The following SHROOM3 variants were observed in gnomAD, a reference collection of about 807,000 sequenced individuals.
SHROOM3 encodes the protein shroom family member 3, also known as protein Shroom3.
In SHROOM3, 47 loss-of-function variants were observed where a neutral mutation model predicts 138.6. The observed-to-expected ratio is 0.34, with a 90% CI of 0.27 to 0.43. The LOEUF (loss-of-function observed/expected upper bound fraction) is 0.43. SHROOM3 is among the 20% of genes least tolerant of loss of function. SHROOM3 has a pLI of 1.00. For synonymous variants in SHROOM3, 1,062 were observed against 1,063.3 expected (o/e 1.00, Z 0.02); for missense variants, 2,491 against 2,596.5 (o/e 0.96, Z 0.88).
At chr4:76,580,770 G>T (rs1052111674) in intron 2 of SHROOM3, among the ~76,000 whole-genome samples, 1 of 152,166 alleles carries the variant, frequency 6.6e-6, no homozygotes, top group African/African-American at 2.4e-5. Flanking sequence ...AGATTCTCCA[G>T]CTGGGAAATG....
intron 2 of SHROOM3, among the ~76,000 whole-genome samples, chr4:76,686,367 G>A: frequency 6.6e-6 from 1 of 152,038 alleles, no homozygotes; most frequent in South Asian, 2.1e-4. Context: ...AAACCAAATT[G>A]CCATAATATA....
In SHROOM3 at chr4:76,710,303, G is replaced by A; in HGVS notation, c.455+16G>A. ...TGAAGCACAGGTAAGACGCACGGAA[G>A]TTGGTGCTGGCAGTTCGGAAAAAGA... is the stretch of plus-strand genomic sequence containing the variant. On this transcript the variant is annotated intron_variant, in intron 3 of 10. Coordinates refer to ENST00000296043, the MANE Select transcript of SHROOM3 (RefSeq NM_020859.4). 5.6e-6 allele frequency: 9 copies of A among 1,613,682 alleles called. No homozygotes were observed. The highest frequency in any genetic ancestry group is 7.6e-6 in the Non-Finnish European group (9 of 1,179,780).
intron 2 of SHROOM3, among the ~76,000 whole-genome samples, chr4:76,633,097 G>T (rs564017885): frequency 3.9e-5 from 6 of 152,140 alleles, no homozygotes; most frequent in African/African-American, 1.4e-4. Flanking sequence ...GCAGCCGAGC[G>T]CGGTGGCTCA....
intron 1 of SHROOM3, among the ~76,000 whole-genome samples, chr4:76,490,923 C>T (rs560863713): frequency 6.6e-6 from 1 of 152,166 alleles, no homozygotes; most frequent in African/African-American, 2.4e-5. Flanking sequence ...ACAGAGTCAG[C>T]TTTCTTAACC....
intron 1 of SHROOM3, among the ~76,000 whole-genome samples, chr4:76,462,402 C>T (rs1343923054): frequency 1.3e-5 from 2 of 152,010 alleles, no homozygotes; most frequent in Admixed American, 6.6e-5. Flanking sequence ...ATATAGTCTA[C>T]ATATATGATA....
chr4:76,740,890 ACAGGCC>A lies in SHROOM3; in HGVS notation c.2719_2724del (p.Arg907_Pro908del). 1 of 1,522,738 alleles carries A rather than the reference ACAGGCC, an allele frequency of 6.6e-7. No individual in the cohort carries two copies. The highest frequency in any genetic ancestry group is 8.8e-7 in the Non-Finnish European group (1 of 1,140,642). 94.3% of individuals were successfully genotyped at this position (1,522,738 alleles called of 1,614,324 possible). A position where few individuals can be genotyped will look rare whatever the true frequency, so the allele number is the denominator to read the frequency against. ...CCAGAGAGGGAGCCCGAGTGGCGGG[ACAGGCC>A]CGGCTCGCCCGAATCGCCCCTGCTG... On this transcript the variant is annotated inframe_deletion, in exon 5 of 11. Coordinates refer to ENST00000296043, the MANE Select transcript of SHROOM3 (RefSeq NM_020859.4). The surrounding 1 kb of genome is among the most constrained non-coding windows in gnomAD (Gnocchi z 4.0).
intron 4 of SHROOM3, among the ~76,000 whole-genome samples, chr4:76,736,621 C>G (rs1721079689): frequency 1.3e-5 from 2 of 152,094 alleles, no homozygotes; most frequent in Non-Finnish European, 1.5e-5. Flanking sequence ...GTTGAAACGC[C>G]TATCCATTTA....
chr4:76,658,576 A>G (rs1248121615), intron 2 of SHROOM3, among the ~76,000 whole-genome samples: 1 of 152,180 alleles, frequency 6.6e-6, no homozygotes, highest in Non-Finnish European at 1.5e-5. Flanking sequence ...AGCAATACAG[A>G]GCAGGAACAG....
chr4:76,479,730 A>C (rs757583185), intron 1 of SHROOM3, among the ~76,000 whole-genome samples: 3 of 152,244 alleles, frequency 2.0e-5, no homozygotes, highest in Non-Finnish European at 4.4e-5. Flanking sequence ...GCAGCCAGAA[A>C]GAAAGGTCGG....
At chr4:76,631,203 CT>C (rs71212436) in intron 2 of SHROOM3, among the ~76,000 whole-genome samples, 6,581 of 103,884 alleles carry the variant, frequency 0.063, 313 homozygotes, top group African/African-American at 0.19. Flanking sequence ...TTTTTTTAAT[CT>C]TTTTTTTTTT....
At chr4:76,450,934 C>A (rs1053041675) in intron 1 of SHROOM3, among the ~76,000 whole-genome samples, 2 of 150,728 alleles carry the variant, frequency 1.3e-5, no homozygotes, top group Non-Finnish European at 2.9e-5. Context: ...TATTACCCAC[C>A]ATGTTAACCA....
intron 2 of SHROOM3, among the ~76,000 whole-genome samples, chr4:76,611,934 T>C (rs747415283): frequency 2.0e-5 from 3 of 152,228 alleles, no homozygotes; most frequent in Non-Finnish European, 4.4e-5. Context: ...ATCAGTTCCA[T>C]GTTGAATAAC....
intron 2 of SHROOM3, among the ~76,000 whole-genome samples, chr4:76,702,682 T>G (rs1225202486): frequency 6.6e-6 from 1 of 152,102 alleles, no homozygotes; most frequent in African/African-American, 2.4e-5. Flanking sequence ...TCTGAGTGCT[T>G]GTAGCTAGGG....
Position 76,755,164 on chromosome 4 carries a change from A to G in SHROOM3, c.4681A>G (p.Ser1561Gly), listed in dbSNP as rs1340415273. The G allele has an allele frequency of 6.2e-7, 1 of 1,613,366 alleles. No individual in the cohort carries two copies. Among genetic ancestry groups the G allele is most frequent in the Non-Finnish European group, 8.5e-7 (1 of 1,179,918 alleles). Residue 1561 changes from serine to glycine, a missense_variant, in exon 7 of 11, where the codon AGT becomes GGT. Ser to Gly is a moderately conservative substitution (Grantham distance 56). This residue lies in a region of SHROOM3 where 470 missense variants were observed against 595.0 expected (regional missense o/e 0.79). Transcript: ENST00000296043. ...PHTVCEAQLD[S>G]EDPEGPRPSF... ...CACTGTATGTGAGGCGCAGCTGGAC[A>G]GTGAGGATCCCGAGGGGCCACGCCC...
intron 2 of SHROOM3, among the ~76,000 whole-genome samples, chr4:76,565,159 TC>T (rs765064878): frequency 0.021 from 1,595 of 75,678 alleles, 68 homozygotes; most frequent in African/African-American, 0.028. Flanking sequence ...AGACTCCATT[TC>T]AAAAAAAAAA....
At chr4:76,589,901 T>A (rs765135379) in intron 2 of SHROOM3, among the ~76,000 whole-genome samples, 12 of 152,178 alleles carry the variant, frequency 7.9e-5, no homozygotes, top group Non-Finnish European at 1.6e-4. Flanking sequence ...ATTATCCTAG[T>A]GTGGAAGAGA....
intron 2 of SHROOM3, among the ~76,000 whole-genome samples, chr4:76,576,867 A>T (rs1733950890): frequency 6.6e-6 from 1 of 152,078 alleles, no homozygotes; most frequent in Non-Finnish European, 1.5e-5. Flanking sequence ...TAATTTTTAA[A>T]TTAAATTTTT....
chr4:76,444,484 CTTTTTTTT>C lies in SHROOM3; in HGVS notation c.168+8284_168+8291del, dbSNP rs61655085. Reference sequence around the variant, plus strand: ...CCAGTTTCCTCATCTCTCTTTCTTTCTTTTTTTTTTTTTTTTTTTTTTTTTTTGAGACG... The same window carrying C: ...CCAGTTTCCTCATCTCTCTTTCTTTCTTTTTTTTTTTTTTTTTTTGAGACG... On this transcript the variant is annotated intron_variant, in intron 1 of 10. Transcript: ENST00000296043. 4.3e-4 allele frequency among the ~76,000 whole-genome samples: 26 copies of C among 60,166 alleles called. No individual in the cohort carries two copies. In the East Asian group the frequency reaches 7.5e-3, roughly 17 times the overall value. The allele number at this position is 60,166 out of a possible 152,430, so 39.5% of individuals were successfully genotyped here. A position where few individuals can be genotyped will look rare whatever the true frequency, so the allele number is the denominator to read the frequency against.
intron 10 of SHROOM3, among the ~76,000 whole-genome samples, chr4:76,771,690 C>T (rs1487585090): frequency 6.6e-6 from 1 of 152,178 alleles, no homozygotes; most frequent in Non-Finnish European, 1.5e-5. Flanking sequence ...TCACCAAGAG[C>T]TTCCACCTGT....
Sources: gnomAD v4.1 joint callset for allele counts (sites outside exome capture counted in the v4.1 genomes callset) on GRCh38, gnomAD v4.1.1 for gene constraint, gnomAD v4.1.1 regional missense constraint, Gnocchi (gnomAD v3.1) non-coding constraint, MANE v1.5 for transcripts, NCBI Gene and HGNC (gene_info 2026-07-23, HGNC 2026-07-21) for gene names.